Variants in TRPC5 observed in about 807,000 individuals in gnomAD.
TRPC5 encodes the protein short transient receptor potential channel 5.
Under a neutral mutation model 56.5 loss-of-function variants are expected in TRPC5, and 9 were observed. The observed-to-expected ratio is 0.16, with a 90% confidence interval of 0.10 to 0.28. TRPC5 has a LOEUF of 0.28. Ranked by LOEUF, TRPC5 falls within the 10% of genes least tolerant of loss-of-function variation. The pLI is 1.00. For missense variants in TRPC5, 469 were observed against 748.9 expected (o/e 0.63, Z 4.36); for synonymous variants, 282 against 278.5 (o/e 1.01, Z -0.13).
At chrX:111,995,941 T>C (rs1928514871) in intron 1 of TRPC5, among the ~76,000 whole-genome samples, 1 of 110,465 alleles carries the variant, frequency 9.1e-6, no homozygotes, top group South Asian at 3.9e-4. Context: ...CCTGGATTCA[T>C]TGATTTTTTT....
chrX:111,865,493 A>G (rs1246203821), intron 3 of TRPC5, among the ~76,000 whole-genome samples: 1 of 109,060 alleles, frequency 9.2e-6, no homozygotes, highest in Non-Finnish European at 1.9e-5. Flanking sequence ...CGCCTGGCTA[A>G]TTTTTTGTAT....
intron 7 of TRPC5, among the ~76,000 whole-genome samples, chrX:111,818,894 G>A (rs936315445): frequency 9.0e-6 from 1 of 111,612 alleles, no homozygotes; most frequent in South Asian, 3.7e-4. Flanking sequence ...GTGAGCCACC[G>A]TGCCCGGCTA....
At chrX:112,081,421 T>A (rs188481325) in intron 1 of TRPC5, among the ~76,000 whole-genome samples, 3 of 111,532 alleles carry the variant, frequency 2.7e-5, no homozygotes, top group South Asian at 3.9e-4. Flanking sequence ...TTCCTGAACC[T>A]TCATGATCCG....
At chrX:111,995,307 G>A (rs781284600) in intron 1 of TRPC5, among the ~76,000 whole-genome samples, 59 of 111,925 alleles carry the variant, frequency 5.3e-4, no homozygotes, top group Non-Finnish European at 9.0e-4. Flanking sequence ...GCATCCTAGG[G>A]ATGAAGCCAA....
At chrX:111,907,159 T>C (rs781108582) in intron 3 of TRPC5, among the ~76,000 whole-genome samples, 95 of 108,976 alleles carry the variant, frequency 8.7e-4, no homozygotes, top group African/African-American at 3.0e-3. Context: ...GGTTTGGGGC[T>C]CCTGATATGT....
intron 1 of TRPC5, among the ~76,000 whole-genome samples, chrX:112,017,524 G>A (rs1002053138): frequency 9.1e-6 from 1 of 109,569 alleles, no homozygotes; most frequent in Non-Finnish European, 1.9e-5. Flanking sequence ...TTCTTGGGAG[G>A]AGAGGTTTAG....
At chrX:112,037,018 G>A (rs1342499259) in intron 1 of TRPC5, among the ~76,000 whole-genome samples, 3 of 112,085 alleles carry the variant, frequency 2.7e-5, no homozygotes, top group African/African-American at 9.7e-5. Flanking sequence ...TTCAAGCAAA[G>A]TCTGGTGACT....
At chrX:111,935,743 A>T (rs1926553313) in intron 2 of TRPC5, among the ~76,000 whole-genome samples, 1 of 111,723 alleles carries the variant, frequency 9.0e-6, no homozygotes, top group South Asian at 3.8e-4. Context: ...TCCCCAGTGT[A>T]TGTTTTTGGC....
intron 1 of TRPC5, among the ~76,000 whole-genome samples, chrX:112,027,598 G>A (rs1156724881): frequency 2.7e-5 from 3 of 111,138 alleles, no homozygotes; most frequent in South Asian, 3.9e-4. Context: ...CCGGGTTCAC[G>A]CCATTCTCCT....
chrX:112,032,332 G>C (rs1033505716), intron 1 of TRPC5, among the ~76,000 whole-genome samples: 3 of 97,964 alleles, frequency 3.1e-5, no homozygotes, highest in Admixed American at 1.0e-4. Flanking sequence ...ATGGACAACA[G>C]TATGAAGGTT....
intron 2 of TRPC5, among the ~76,000 whole-genome samples, chrX:111,926,472 C>A (rs749218970): frequency 8.9e-6 from 1 of 112,065 alleles, no homozygotes; most frequent in African/African-American, 3.2e-5. Context: ...ATATGACTAC[C>A]TTACGGGGCA....
intron 1 of TRPC5, among the ~76,000 whole-genome samples, chrX:112,039,643 A>G (rs763571420): frequency 8.9e-6 from 1 of 111,780 alleles, no homozygotes; most frequent in Non-Finnish European, 1.9e-5. Flanking sequence ...GGACATGTGC[A>G]GATCCTTTTG....
At position 111,912,782 on chromosome X, in the gene TRPC5, A is replaced by G; in HGVS notation, c.409T>C (p.Ser137Pro). The part of the protein sequence containing the change: ...VPTLMMDTQF[S>P]EFTPDITPIM... ...GGAGTGATGTCCGGTGTGAATTCAG[A>G]GAACTGCGTGTCCATCATCAGAGTG... The change falls in exon 3 of 11, where the codon TCT becomes CCT. Residue 137 changes from serine to proline, a missense_variant. This residue lies in a region of TRPC5 where 118 missense variants were observed against 167.1 expected (regional missense o/e 0.71). Coordinates refer to ENST00000262839, the MANE Select transcript of TRPC5 (RefSeq NM_012471.3). 8.3e-7 allele frequency: 1 copy of G among 1,201,975 alleles called. No individual in the cohort carries two copies. The highest frequency in any genetic ancestry group is 1.1e-6 in the Non-Finnish European group (1 of 894,869).
chrX:111,968,996 AAAATAAAATAAAAT>A (rs1465188676), intron 1 of TRPC5, among the ~76,000 whole-genome samples: 1 of 102,995 alleles, frequency 9.7e-6, no homozygotes, highest in Non-Finnish European at 2.0e-5. Flanking sequence ...AAAATAAAAT[AAAATAAAATAAAAT>A]AAAATAAAAT....
rs762315251 is a variant in TRPC5, at chrX:112,043,374, A to G, written c.-22+38505T>C. ...TGTATCTCTTAGCCTTGAAAAAAGGAGCCTATCTGTGGCAGAAGCCACTGT... is the reference window on the plus strand; with the variant it reads ...TGTATCTCTTAGCCTTGAAAAAAGGGGCCTATCTGTGGCAGAAGCCACTGT... On this transcript the variant is annotated intron_variant, in intron 1 of 10. Coordinates refer to ENST00000262839, the MANE Select transcript of TRPC5 (RefSeq NM_012471.3). 4.5e-5 allele frequency among the ~76,000 whole-genome samples: 5 copies of G among 112,022 alleles called. 1 individual carries two copies. The South Asian group carries it at 1.9e-3, about 42-fold the overall frequency.
rs757025155 is a variant in TRPC5, at chrX:111,834,972, C to T, written c.1845G>A (p.Val615=). 2.5e-6 allele frequency: 3 copies of T among 1,210,536 alleles called. No individual in the cohort carries two copies. In the South Asian group the frequency reaches 5.3e-5, roughly 21 times the overall value. Residue 615 remains valine (V), a synonymous_variant, in exon 7 of 11, where the codon GTG becomes GTA. Coordinates refer to ENST00000262839, the MANE Select transcript of TRPC5 (RefSeq NM_012471.3). The part of the protein sequence containing the change: ...FGTYNVISLV[V]LLNMLIAMMN... ...TCATAGCAATCAGCATGTTCAGCAG[C>T]ACTACCAGGGAGATGACATTGTATG...
At chrX:111,782,191 C>T (rs1179379212) in intron 7 of TRPC5, 53 bp from the exon 8 acceptor site, 1 of 1,062,247 alleles carries the variant, frequency 9.4e-7, no homozygotes, top group East Asian at 3.1e-5. Flanking sequence ...GCACGATGTA[C>T]TCACTTCTTA....
intron 1 of TRPC5, among the ~76,000 whole-genome samples, chrX:112,057,023 G>A (rs1273742802): frequency 1.8e-5 from 2 of 112,449 alleles, no homozygotes; most frequent in Admixed American, 9.5e-5. Flanking sequence ...CTTGATCAGA[G>A]CAGCTGAAGA....
intron 3 of TRPC5, among the ~76,000 whole-genome samples, chrX:111,856,455 C>CTTG (rs1923231233): frequency 9.3e-6 from 1 of 107,794 alleles, no homozygotes; most frequent in Admixed American, 1.0e-4. Flanking sequence ...AAGAGAATCG[C>CTTG]TTGAACCCAG....
Sources: gnomAD v4.1 joint callset for allele counts (sites outside exome capture counted in the v4.1 genomes callset) on GRCh38, gnomAD v4.1.1 for gene constraint, gnomAD v4.1.1 regional missense constraint, MANE v1.5 for transcripts, NCBI Gene and HGNC (gene_info 2026-07-23, HGNC 2026-07-21) for gene names.